Variants in NAALADL2 observed in about 807,000 individuals in gnomAD.
NAALADL2 encodes the protein inactive N-acetylated-alpha-linked acidic dipeptidase-like protein 2.
In NAALADL2, 76 loss-of-function variants were observed where a neutral mutation model predicts 87.2. The ratio of observed to expected loss-of-function variants is 0.87; its 90% CI spans 0.72 to 1.05. NAALADL2 has a LOEUF of 1.05. NAALADL2 is among the 50% of genes least tolerant of loss of function. The probability of loss-of-function intolerance (pLI) is 0.00; values close to 1 mark genes in which losing one functional copy is unlikely to be tolerated. For synonymous variants in NAALADL2, 354 were observed against 331.0 expected, an observed-to-expected ratio of 1.07 and a Z score of -0.75; for missense variants, 1,089 against 945.8, an observed-to-expected ratio of 1.15 and a Z score of -1.99.
At chr3:175,672,387 T>G (rs181239699) in intron 11 of NAALADL2, among the ~76,000 whole-genome samples, 1 of 152,288 alleles carries the variant, frequency 6.6e-6, no homozygotes, top group East Asian at 1.9e-4. Flanking sequence ...GATCCTCTTA[T>G]CCTGTGGATG....
chr3:174,801,073 A>G (rs1391963482), intron 3 of NAALADL2, among the ~76,000 whole-genome samples: 1 of 152,172 alleles, frequency 6.6e-6, no homozygotes, highest in African/African-American at 2.4e-5. Context: ...GGACTACAGA[A>G]TTTTGAGTTA....
chr3:174,642,873 C>T lies in NAALADL2; in HGVS notation c.-115+92236C>T, dbSNP rs574558702. ...TCACAACTCACTGCAGCCTCAACCT[C>T]GTGGGCTCAAATGATCTTCCCACCT... On this transcript the variant is annotated intron_variant, in intron 2 of 3. Coordinates refer to the NAALADL2 transcript ENST00000434257. Among the ~76,000 whole-genome samples, 36 of 151,778 alleles carry T rather than the reference C, an allele frequency of 2.4e-4. No individual in the cohort carries two copies. The East Asian group carries it at 5.4e-3, about 23-fold the overall frequency.
intron 1 of NAALADL2, among the ~76,000 whole-genome samples, chr3:174,985,751 G>A (rs895274942): frequency 2.3e-4 from 35 of 152,104 alleles, no homozygotes; most frequent in African/African-American, 7.7e-4. Context: ...TCGGGAGTTC[G>A]AGACCAGCCT....
At chr3:175,320,680 C>A (rs1759739795) in intron 4 of NAALADL2, among the ~76,000 whole-genome samples, 1 of 152,138 alleles carries the variant, frequency 6.6e-6, no homozygotes, top group African/African-American at 2.4e-5. Context: ...ATGGTCACAA[C>A]AACTCTCCTT....
At chr3:175,713,112 CTG>C (rs1284437998) in intron 11 of NAALADL2, among the ~76,000 whole-genome samples, 2 of 152,044 alleles carry the variant, frequency 1.3e-5, no homozygotes, top group Non-Finnish European at 2.9e-5. Context: ...GGAAGTCAAA[CTG>C]TGATTTTATT....
At chr3:175,717,553 G>A (rs1201706996) in intron 11 of NAALADL2, among the ~76,000 whole-genome samples, 1 of 151,698 alleles carries the variant, frequency 6.6e-6, no homozygotes, top group African/African-American at 2.4e-5. Flanking sequence ...TTAGCTAGAC[G>A]TAGTGGCGCA....
chr3:175,459,650 C>T (rs1205534080), intron 6 of NAALADL2, among the ~76,000 whole-genome samples: 1 of 151,972 alleles, frequency 6.6e-6, no homozygotes, highest in Non-Finnish European at 1.5e-5. Flanking sequence ...AAAAAGGGTT[C>T]GATATTAACA....
chr3:175,117,935 A>G (rs1206282258), intron 2 of NAALADL2, among the ~76,000 whole-genome samples: 2 of 152,146 alleles, frequency 1.3e-5, no homozygotes, highest in African/African-American at 4.8e-5. Context: ...CTATGCAGCC[A>G]TAAAAAATGA....
At chr3:175,170,899 T>C (rs1241487509) in intron 2 of NAALADL2, among the ~76,000 whole-genome samples, 1 of 151,738 alleles carries the variant, frequency 6.6e-6, no homozygotes, top group Non-Finnish European at 1.5e-5. Flanking sequence ...AAAAAACATA[T>C]ATAAGAGATT....
chr3:175,291,097 G>C (rs1755587658), intron 4 of NAALADL2, among the ~76,000 whole-genome samples: 1 of 152,048 alleles, frequency 6.6e-6, no homozygotes, highest in African/African-American at 2.4e-5. Flanking sequence ...CCTTTAAACT[G>C]AAATTAGATG....
At chr3:175,738,544 G>GC (rs1189958143) in intron 12 of NAALADL2, among the ~76,000 whole-genome samples, 1 of 152,062 alleles carries the variant, frequency 6.6e-6, no homozygotes, top group Non-Finnish European at 1.5e-5. Flanking sequence ...ACCGCACCTG[G>GC]CCCCCTTTTT....
chr3:175,417,869 A>G (rs937550027), intron 5 of NAALADL2, among the ~76,000 whole-genome samples: 3 of 152,178 alleles, frequency 2.0e-5, no homozygotes, highest in Admixed American at 6.6e-5. Context: ...AAAGCCAGCT[A>G]TGGAAAAGTA....
At chr3:174,855,759 A>T (rs1409502750), upstream of NAALADL2, among the ~76,000 whole-genome samples, 1 of 140,074 alleles carries the variant, frequency 7.1e-6, no homozygotes, top group African/African-American at 2.7e-5. Flanking sequence ...GGCATAACAG[A>T]GTGTCAGGAG....
chr3:175,202,135 C>A (rs528693263), intron 2 of NAALADL2, among the ~76,000 whole-genome samples: 45 of 152,234 alleles, frequency 3.0e-4, no homozygotes, highest in Admixed American at 4.6e-4. Context: ...TGAAGACTGC[C>A]AATCTGGCCC....
At chr3:174,690,883 G>A (rs529568389) in intron 2 of NAALADL2, among the ~76,000 whole-genome samples, 12 of 152,184 alleles carry the variant, frequency 7.9e-5, no homozygotes, top group Non-Finnish European at 1.2e-4. Flanking sequence ...GTGTGTGAAC[G>A]TATGGCATGA....
chr3:174,899,447 G>A (rs1732038190), intron 1 of NAALADL2, among the ~76,000 whole-genome samples: 1 of 152,108 alleles, frequency 6.6e-6, no homozygotes, highest in East Asian at 1.9e-4. Flanking sequence ...TCCCCTTGGT[G>A]GTGTCCTCCA....
chr3:175,616,674 A>T (rs560234365), intron 10 of NAALADL2, among the ~76,000 whole-genome samples: 2 of 152,116 alleles, frequency 1.3e-5, no homozygotes, highest in South Asian at 4.2e-4. Flanking sequence ...CACCTGCTCA[A>T]CCCAGCAGGC....
At chr3:175,169,002 G>A (rs1460604883) in intron 2 of NAALADL2, among the ~76,000 whole-genome samples, 1 of 151,604 alleles carries the variant, frequency 6.6e-6, no homozygotes, top group African/African-American at 2.4e-5. Flanking sequence ...TTTTAATGTG[G>A]ATCATCCAGA....
intron 9 of NAALADL2, among the ~76,000 whole-genome samples, chr3:175,493,061 A>G (rs1417900864): frequency 6.6e-6 from 1 of 152,084 alleles, no homozygotes; most frequent in Non-Finnish European, 1.5e-5. Flanking sequence ...CTTTCTGTAT[A>G]TTTATATTCA....
Sources: gnomAD v4.1 joint callset for allele counts (sites outside exome capture counted in the v4.1 genomes callset) on GRCh38, gnomAD v4.1.1 for gene constraint, MANE v1.5 for transcripts, NCBI Gene and HGNC (gene_info 2026-07-23, HGNC 2026-07-21) for gene names.